The following CLSTN2 variants were observed in gnomAD, a reference collection of about 807,000 sequenced individuals.
CLSTN2 encodes the protein calsyntenin-2.
Under a neutral mutation model 101.2 loss-of-function variants are expected in CLSTN2, and 48 were observed. The ratio of observed to expected loss-of-function variants is 0.47; its 90% CI spans 0.38 to 0.60. The LOEUF is 0.60. CLSTN2 is among the 20% of genes least tolerant of loss of function. The pLI, the probability that CLSTN2 is intolerant of heterozygous loss-of-function variation, is 0.00. For synonymous variants in CLSTN2, 481 were observed against 463.6 expected (o/e 1.04, Z -0.48); for missense variants, 1,160 against 1,238.2 (o/e 0.94, Z 0.95).
chr3:140,038,502 C>G (rs141260719), intron 1 of CLSTN2, among the ~76,000 whole-genome samples: 1,554 of 152,200 alleles, frequency 0.01, 27 homozygotes, highest in African/African-American at 0.034. Context: ...TGTCTGTTCA[C>G]TCTGATGATA....
chr3:140,494,795 AT>A (rs1341838130), intron 8 of CLSTN2, among the ~76,000 whole-genome samples: 1 of 152,164 alleles, frequency 6.6e-6, no homozygotes, highest in Non-Finnish European at 1.5e-5. Flanking sequence ...ACATGCTCTC[AT>A]TCCTTTTTAT....
intron 2 of CLSTN2, among the ~76,000 whole-genome samples, chr3:140,397,707 C>A (rs1350570998): frequency 1.3e-5 from 2 of 152,220 alleles, no homozygotes; most frequent in African/African-American, 4.8e-5. Context: ...AAGGCTCCAT[C>A]TCCTAATACC....
At chr3:140,271,419 A>AATTTTT (rs1192130713) in intron 2 of CLSTN2, among the ~76,000 whole-genome samples, 5 of 152,200 alleles carry the variant, frequency 3.3e-5, no homozygotes, top group African/African-American at 1.2e-4. Context: ...TATTATGTAC[A>AATTTTT]TGGCAAATAT....
chr3:140,358,035 T>A (rs1320928655), intron 2 of CLSTN2, among the ~76,000 whole-genome samples: 4 of 152,172 alleles, frequency 2.6e-5, no homozygotes, highest in Non-Finnish European at 1.5e-5. Flanking sequence ...ACATGGGGGT[T>A]AAGCTGTCTT....
chr3:140,138,636 G>A (rs1456093625), intron 1 of CLSTN2, among the ~76,000 whole-genome samples: 1 of 152,174 alleles, frequency 6.6e-6, no homozygotes, highest in South Asian at 2.1e-4. Context: ...GCCCCGGAAA[G>A]CACATGGACA....
intron 1 of CLSTN2, among the ~76,000 whole-genome samples, chr3:139,969,048 T>C (rs1030078441): frequency 7.2e-6 from 1 of 139,458 alleles, no homozygotes; most frequent in South Asian, 2.3e-4. Flanking sequence ...ACTTGGTATG[T>C]ATATGCTTTT....
At chr3:140,518,786 GCT>G (rs1471444691) in intron 8 of CLSTN2, among the ~76,000 whole-genome samples, 2 of 152,152 alleles carry the variant, frequency 1.3e-5, no homozygotes, top group African/African-American at 2.4e-5. Context: ...TCCACATGTC[GCT>G]CTGTCTGTCC....
At chr3:140,171,710 T>C (rs1290042326) in intron 1 of CLSTN2, among the ~76,000 whole-genome samples, 2 of 101,466 alleles carry the variant, frequency 2.0e-5, no homozygotes, top group South Asian at 2.5e-4. Flanking sequence ...ATAATATGTA[T>C]TATGTATTAT....
At chr3:140,102,348 TG>T (rs1476781107) in intron 1 of CLSTN2, among the ~76,000 whole-genome samples, 2 of 152,152 alleles carry the variant, frequency 1.3e-5, no homozygotes, top group Non-Finnish European at 2.9e-5. Context: ...GTCCATGATT[TG>T]GGGGCAAGAA....
intron 8 of CLSTN2, among the ~76,000 whole-genome samples, chr3:140,473,205 C>T (rs1246032653): frequency 1.3e-5 from 2 of 152,218 alleles, no homozygotes; most frequent in South Asian, 2.1e-4. Context: ...ATCTTAAAGC[C>T]CCTTTCCTGC....
intron 2 of CLSTN2, among the ~76,000 whole-genome samples, chr3:140,329,007 G>A (rs963126750): frequency 3.9e-5 from 6 of 152,172 alleles, no homozygotes; most frequent in African/African-American, 9.7e-5. Context: ...TCAATTTGAT[G>A]TATGACTTTA....
chr3:140,293,005 T>G (rs2086969402), intron 2 of CLSTN2, among the ~76,000 whole-genome samples: 1 of 152,178 alleles, frequency 6.6e-6, no homozygotes, highest in Admixed American at 6.5e-5. Flanking sequence ...AGACGTGAGA[T>G]AAACACTATT....
At chr3:140,229,789 G>A (rs2086354746) in intron 2 of CLSTN2, among the ~76,000 whole-genome samples, 1 of 151,888 alleles carries the variant, frequency 6.6e-6, no homozygotes, top group Non-Finnish European at 1.5e-5. Context: ...TCTTATAAAG[G>A]CAAATGAAGC....
intron 1 of CLSTN2, among the ~76,000 whole-genome samples, chr3:140,122,690 C>T (rs1290191005): frequency 6.6e-6 from 1 of 152,164 alleles, no homozygotes; most frequent in East Asian, 1.9e-4. Flanking sequence ...GCTGCACCCT[C>T]TCCAGAGGCC....
intron 1 of CLSTN2, among the ~76,000 whole-genome samples, chr3:139,966,645 A>G (rs752891620): frequency 1.4e-4 from 22 of 152,202 alleles, no homozygotes; most frequent in Non-Finnish European, 2.6e-4. Flanking sequence ...CCTTTGGAGC[A>G]TGAATAATAC....
intron 2 of CLSTN2, among the ~76,000 whole-genome samples, chr3:140,305,024 AC>A (rs2087098343): frequency 4.3e-5 from 2 of 46,720 alleles, no homozygotes; most frequent in Non-Finnish European, 1.1e-4. Context: ...ACACACAGAG[AC>A]ACACACACAC....
chr3:140,176,627 G>T (rs936207898), intron 2 of CLSTN2, among the ~76,000 whole-genome samples: 1 of 152,218 alleles, frequency 6.6e-6, no homozygotes, highest in Non-Finnish European at 1.5e-5. Context: ...TATCATCAAG[G>T]CTACCTCTGT....
At chr3:140,429,450 G>C (rs80118108) in intron 5 of CLSTN2, among the ~76,000 whole-genome samples, 11,503 of 152,118 alleles carry the variant, frequency 0.076, 1,451 homozygotes, top group African/African-American at 0.26. Context: ...AGAGGAGGGG[G>C]TATTCCAGAC....
intron 16 of CLSTN2, among the ~76,000 whole-genome samples, chr3:140,565,414 A>AG (rs147924867): frequency 0.086 from 13,068 of 152,188 alleles, 703 homozygotes; most frequent in South Asian, 0.15. Context: ...ACATAAATCC[A>AG]GAAATGAAAT....
Sources: gnomAD v4.1 joint callset for allele counts (sites outside exome capture counted in the v4.1 genomes callset) on GRCh38, gnomAD v4.1.1 for gene constraint, MANE v1.5 for transcripts, NCBI Gene and HGNC (gene_info 2026-07-23, HGNC 2026-07-21) for gene names.